Variants in VPS13A observed in about 807,000 individuals in gnomAD.
VPS13A encodes vacuolar protein sorting 13 homolog A.
A neutral mutation model predicts 390.9 loss-of-function variants in VPS13A; 264 were observed. The ratio of observed to expected loss-of-function variants is 0.68; its 90% CI spans 0.61 to 0.75. VPS13A has a LOEUF of 0.75. VPS13A is among the 30% of genes least tolerant of loss of function. The pLI, the probability that VPS13A is intolerant of heterozygous loss-of-function variation, is 0.00. For missense variants in VPS13A, 3,409 were observed against 3,733.9 expected (o/e 0.91, Z 2.27); for synonymous variants, 1,231 against 1,227.1 (o/e 1.00, Z -0.07).
In VPS13A at chr9:77,220,355, G is replaced by T; in HGVS notation, c.961G>T (p.Val321Leu). The T allele has an allele frequency of 6.2e-7, 1 of 1,610,430 alleles. No homozygotes were observed. Among genetic ancestry groups the T allele is most frequent in the Non-Finnish European group, 8.5e-7 (1 of 1,178,724 alleles). ...GCCATATAGGAAGTTCAAACCTGAT[G>T]TGCCTCTTCACCACCATGCCAGAGA... ...NLPYRKFKPDVPLHHHAREWW... is the reference protein window; with the variant it reads ...NLPYRKFKPDLPLHHHAREWW... Residue 321 changes from valine to leucine, a missense_variant, in exon 12 of 72, where the codon GTG becomes TTG. Coordinates refer to ENST00000360280, the MANE Select transcript of VPS13A (RefSeq NM_033305.3).
intron 20 of VPS13A, among the ~76,000 whole-genome samples, chr9:77,248,196 C>G (rs1203022232): frequency 6.6e-6 from 1 of 151,154 alleles, no homozygotes; most frequent in Admixed American, 6.6e-5. Context: ...TTCTGTTTAC[C>G]TAAGTCATTT....
chr9:77,221,340 T>G lies in VPS13A; in HGVS notation c.1145T>G (p.Leu382Arg). Residue 382 changes from leucine (L) to arginine (R), a missense_variant, in exon 13 of 72, where the codon CTT becomes CGT. By Grantham distance (102) the Leu-to-Arg change is moderately radical. Around this residue, in one of 5 missense-constraint regions of VPS13A, gnomAD observed 2,717 missense variants for 2,917.4 expected, o/e 0.93. Transcript: ENST00000360280. ...KLTSKKPPGE[L>R]LVSLEELEKT... ...ACAAGTAAGAAGCCACCTGGTGAAC[T>G]TCTCGTGTCTTTGGAGGTTAGCATT... is the stretch of plus-strand genomic sequence containing the variant. 6.2e-7 allele frequency: 1 copy of G among 1,612,816 alleles called. No homozygotes were observed. The highest frequency in any genetic ancestry group is 8.5e-7 in the Non-Finnish European group (1 of 1,179,324).
intron 68 of VPS13A, among the ~76,000 whole-genome samples, chr9:77,387,326 G>A (rs1221996994): frequency 2.6e-5 from 4 of 152,268 alleles, no homozygotes; most frequent in African/African-American, 7.2e-5. Context: ...TAAAATGGTA[G>A]TATCTAACAG....
At chr9:77,407,405 T>C in intron 70 of VPS13A, 128 bp from the exon 71 acceptor site, 1 of 696,092 alleles carries the variant, frequency 1.4e-6, no homozygotes, top group Non-Finnish European at 2.5e-6. Context: ...CATTCTTGTC[T>C]TTTTTAAGGT....
intron 6 of VPS13A, 105 bp downstream of exon 6, chr9:77,209,637 G>A: frequency 1.4e-6 from 1 of 730,232 alleles, no homozygotes; most frequent in Non-Finnish European, 2.4e-6. Context: ...ATCCCAAAAG[G>A]TTACAGAGCT....
Position 77,330,332 on chromosome 9 carries a change from C to T in VPS13A, c.5992-1678C>T, listed in dbSNP as rs553421722. ...CTGCGCCCACCCACTTTTATACAGA[C>T]GGATGCTTCCTTTTCCTCTGCTCCC... On this transcript the variant is annotated intron_variant, in intron 45 of 71. Coordinates refer to ENST00000360280, the MANE Select transcript of VPS13A (RefSeq NM_033305.3). Among the ~76,000 whole-genome samples, 292 of 152,272 alleles carry T rather than the reference C, an allele frequency of 1.9e-3. 2 individuals are homozygous for T. Among genetic ancestry groups the T allele is most frequent in the African/African-American group, 6.3e-3 (261 of 41,548 alleles).
intron 68 of VPS13A, among the ~76,000 whole-genome samples, chr9:77,384,204 ACT>A (rs1833581278): frequency 6.6e-6 from 1 of 151,752 alleles, no homozygotes; most frequent in Non-Finnish European, 1.5e-5. Context: ...AATTATATAC[ACT>A]CATATAATAA....
At chr9:77,237,762 T>G (rs964063360) in intron 17 of VPS13A, among the ~76,000 whole-genome samples, 1 of 152,234 alleles carries the variant, frequency 6.6e-6, no homozygotes, top group African/African-American at 2.4e-5. Flanking sequence ...GTAGATTTAC[T>G]GTCATTTTAA....
intron 68 of VPS13A, among the ~76,000 whole-genome samples, chr9:77,399,181 T>TAAAAAAAAAAA (rs1223344360): frequency 8.6e-4 from 30 of 34,968 alleles, no homozygotes; most frequent in Non-Finnish European, 1.0e-3. Flanking sequence ...AAAAAAAAAA[T>TAAAAAAAAAAA]AAAAAAAAAA....
intron 1 of VPS13A, among the ~76,000 whole-genome samples, chr9:77,194,354 T>TG (rs551528285): frequency 1.5e-5 from 2 of 136,572 alleles, no homozygotes; most frequent in South Asian, 2.5e-4. Context: ...CAACCAGGGA[T>TG]GGGGGTTGGG....
rs1408510572 is a variant in VPS13A, at chr9:77,282,142, A to G, written c.2986A>G (p.Ile996Val). Reference protein sequence around the residue: ...LIKVNFSSLDIHLHTEALLNT... With the variant: ...LIKVNFSSLDVHLHTEALLNT... ...TTAGGTAAATTTTTCCTCTTTGGAT[A>G]TTCATTTACACACTGAAGCACTTCT... Residue 996 changes from isoleucine to valine, a missense_variant, in exon 29 of 72, where the codon ATT (isoleucine) becomes GTT (valine). Ile to Val is a conservative substitution (Grantham distance 29). Coordinates refer to ENST00000360280, the MANE Select transcript of VPS13A (RefSeq NM_033305.3). 1 of 1,613,056 alleles carries G rather than the reference A, an allele frequency of 6.2e-7. No individual in the cohort carries two copies. Among genetic ancestry groups the G allele is most frequent in the Non-Finnish European group, 8.5e-7 (1 of 1,179,574 alleles).
chr9:77,214,282 AG>A, intron 9 of VPS13A, 46 bp from the exon 10 acceptor site: 1 of 1,555,572 alleles, frequency 6.4e-7, no homozygotes, highest in Middle Eastern at 1.7e-4. Flanking sequence ...TCTCAAAAAA[AG>A]ACATATTGGC....
chr9:77,187,267 A>T (rs539203305), intron 1 of VPS13A, among the ~76,000 whole-genome samples: 19 of 152,362 alleles, frequency 1.2e-4, no homozygotes, highest in African/African-American at 4.1e-4. Flanking sequence ...TTACTGGATC[A>T]TATAGTAATT....
At chr9:77,195,873 A>G (rs1170011288) in intron 1 of VPS13A, among the ~76,000 whole-genome samples, 4 of 148,812 alleles carry the variant, frequency 2.7e-5, no homozygotes, top group Non-Finnish European at 4.5e-5. Context: ...TTTTTTCCCT[A>G]TTTCCTTAAG....
chr9:77,299,779 A>G (rs1828237545), intron 33 of VPS13A, among the ~76,000 whole-genome samples: 1 of 152,200 alleles, frequency 6.6e-6, no homozygotes, highest in Admixed American at 6.5e-5. Context: ...TTGTTGGGAC[A>G]TGGATGAAGC....
intron 36 of VPS13A, 50 bp downstream of exon 36, chr9:77,314,169 A>G (rs777704891): frequency 6.3e-7 from 1 of 1,599,698 alleles, no homozygotes; most frequent in Middle Eastern, 1.7e-4. Flanking sequence ...AAATTTGCAT[A>G]GGTTGATGTT....
intron 62 of VPS13A, 57 bp from the exon 63 acceptor site, chr9:77,369,242 A>G (rs1265668613): frequency 1.0e-5 from 14 of 1,351,868 alleles, no homozygotes; most frequent in African/African-American, 2.9e-5. Context: ...TAAATAATGT[A>G]TAAGAAAAAA....
chr9:77,385,170 TA>T, intron 68 of VPS13A: 3 of 924,822 alleles, frequency 3.2e-6, no homozygotes, highest in Non-Finnish European at 3.9e-6. Flanking sequence ...CTTTTAATAA[TA>T]ATAAACATAT....
chr9:77,304,777 A>G (rs1005948233), intron 34 of VPS13A, among the ~76,000 whole-genome samples: 1 of 152,200 alleles, frequency 6.6e-6, no homozygotes, highest in Non-Finnish European at 1.5e-5. Context: ...AAAGTGTGTC[A>G]TAGGCTTTGC....
Sources: allele counts gnomAD v4.1 joint callset (sites outside exome capture counted in the v4.1 genomes callset), GRCh38; gene constraint gnomAD v4.1.1; regional missense constraint gnomAD v4.1.1; transcripts MANE v1.5; gene names NCBI Gene and HGNC (gene_info 2026-07-23, HGNC 2026-07-21).